DIPK2B: variants seen among roughly 807,000 people sequenced by gnomAD.
DIPK2B encodes the protein divergent protein kinase domain 2B, also known as UPF0672 protein CXorf36.
DIPK2B carries 15 observed loss-of-function variants against 22.2 expected under a neutral mutation model. The observed-to-expected ratio is 0.68, with a 90% CI of 0.45 to 1.04. The LOEUF (loss-of-function observed/expected upper bound fraction) is 1.04, where lower values mean the gene tolerates loss of function less well. DIPK2B is among the 50% of genes least tolerant of loss of function. DIPK2B has a pLI of 0.00. For missense variants in DIPK2B, 345 were observed against 348.3 expected, an observed-to-expected ratio of 0.99 and a Z score of 0.08; for synonymous variants, 163 against 153.2, an observed-to-expected ratio of 1.06 and a Z score of -0.47.
chrX:45,168,664 A>C (rs181011947), intron 2 of DIPK2B, among the ~76,000 whole-genome samples: 14 of 112,413 alleles, frequency 1.2e-4, no homozygotes, highest in Admixed American at 9.3e-4. Flanking sequence ...GGTTTTCAGG[A>C]GAGGAGTCCC....
intron 2 of DIPK2B, chrX:45,191,486 A>G (rs763757987): frequency 5.7e-6 from 2 of 352,514 alleles, no homozygotes; most frequent in Non-Finnish European, 9.8e-6. Context: ...TTCAGGCCAG[A>G]GGTCGCAGCT....
chrX:45,159,018 C>T (rs1323388040), intron 2 of DIPK2B, among the ~76,000 whole-genome samples: 1 of 111,249 alleles, frequency 9.0e-6, no homozygotes, highest in Non-Finnish European at 1.9e-5. Context: ...CTGCCCCCCT[C>T]TCCATAAACT....
At chrX:45,162,909 T>G (rs1274276943) in intron 2 of DIPK2B, 3 of 751,973 alleles carry the variant, frequency 4.0e-6, no homozygotes, top group Non-Finnish European at 1.6e-6. Context: ...ATGCTGAGAG[T>G]GGCTGTCACA....
intron 1 of DIPK2B, among the ~76,000 whole-genome samples, chrX:45,199,337 C>T (rs1227041978): frequency 9.0e-6 from 1 of 111,502 alleles, no homozygotes; most frequent in African/African-American, 3.3e-5. Context: ...AAGTTAGGTC[C>T]TTTGAGGAAG....
chrX:45,193,043 T>G (rs1219118465), intron 1 of DIPK2B, among the ~76,000 whole-genome samples: 1 of 112,673 alleles, frequency 8.9e-6, no homozygotes, highest in East Asian at 2.8e-4. Context: ...CCTCCCAAAG[T>G]GTTGGGATTA....
chrX:45,195,886 A>T (rs1011582493), intron 1 of DIPK2B, among the ~76,000 whole-genome samples: 1 of 112,237 alleles, frequency 8.9e-6, no homozygotes, highest in African/African-American at 3.2e-5. Flanking sequence ...TCTTGTCTGG[A>T]AAATCCCAAT....
At chrX:45,196,182 A>G (rs1279869448) in intron 1 of DIPK2B, among the ~76,000 whole-genome samples, 1 of 111,652 alleles carries the variant, frequency 9.0e-6, no homozygotes, top group Non-Finnish European at 1.9e-5. Flanking sequence ...ATTTAGATGT[A>G]TAGATAGATA....
At chrX:45,175,498 T>C (rs1409174883) in intron 2 of DIPK2B, among the ~76,000 whole-genome samples, 1 of 108,360 alleles carries the variant, frequency 9.2e-6, no homozygotes, top group Non-Finnish European at 1.9e-5. Flanking sequence ...ACCAATGTGT[T>C]AACAGTGGTT....
chrX:45,151,569 GCTTCTTT>G lies in DIPK2B; in HGVS notation c.*76_*82del. On this transcript the variant is annotated 3_prime_UTR_variant, in exon 5 of 5. Coordinates refer to ENST00000398000, the MANE Select transcript of DIPK2B (RefSeq NM_176819.4). ...TTCTTCTCATCTTTAAAAAAGAGCT[GCTTCTTT>G]CTACCTTGCAGCAACCCGACTGGGA... 1 of 918,490 alleles carries G rather than the reference GCTTCTTT, an allele frequency of 1.1e-6. No individual in the cohort carries two copies. The highest frequency in any genetic ancestry group is 1.5e-6 in the Non-Finnish European group (1 of 657,875). The allele number at this position is 918,490 out of a possible 1,213,427, so 75.7% of individuals were successfully genotyped here. A position where few individuals can be genotyped will look rare whatever the true frequency, so the allele number is the denominator to read the frequency against.
intron 2 of DIPK2B, among the ~76,000 whole-genome samples, chrX:45,183,096 G>T (rs1329760796): frequency 2.7e-5 from 3 of 112,252 alleles, no homozygotes; most frequent in African/African-American, 9.7e-5. Flanking sequence ...GTTTATGTAT[G>T]CAGTTTATAC....
chrX:45,164,406 CAGGA>C (rs10561882), intron 2 of DIPK2B, among the ~76,000 whole-genome samples: 10,387 of 111,187 alleles, frequency 0.093, 1,162 homozygotes, highest in African/African-American at 0.31. Context: ...GAATAAGGAC[CAGGA>C]AGGAAGTGGC....
chrX:45,159,186 C>T (rs1484943524), intron 2 of DIPK2B, among the ~76,000 whole-genome samples: 1 of 111,256 alleles, frequency 9.0e-6, no homozygotes, highest in Non-Finnish European at 1.9e-5. Context: ...TCTCCAAGAG[C>T]CAGTTCTTAA....
intron 2 of DIPK2B, chrX:45,164,085 G>A (rs768175030): frequency 5.8e-6 from 6 of 1,034,010 alleles, no homozygotes; most frequent in East Asian, 7.1e-5. Context: ...TGATGCAGAA[G>A]CCTCTTTAAT....
intron 3 of DIPK2B, among the ~76,000 whole-genome samples, chrX:45,156,325 CGTT>C (rs1313634613): frequency 2.7e-5 from 3 of 111,134 alleles, no homozygotes; most frequent in African/African-American, 9.8e-5. Context: ...GGCCTACTGT[CGTT>C]GTCTACAGGT....
intron 2 of DIPK2B, among the ~76,000 whole-genome samples, chrX:45,172,074 T>C (rs905847870): frequency 7.1e-5 from 8 of 111,944 alleles, no homozygotes; most frequent in Admixed American, 1.9e-4. Flanking sequence ...TCCAGTCTGC[T>C]GAGAGATAAT....
chrX:45,182,549 C>T (rs1243188223), intron 2 of DIPK2B, among the ~76,000 whole-genome samples: 3 of 112,667 alleles, frequency 2.7e-5, no homozygotes, highest in Non-Finnish European at 5.6e-5. Flanking sequence ...CTTTTGTGTG[C>T]TTATGTTCAC....
chrX:45,158,507 A>G (rs1405868456), intron 2 of DIPK2B, among the ~76,000 whole-genome samples: 6 of 110,484 alleles, frequency 5.4e-5, no homozygotes, highest in Non-Finnish European at 1.1e-4. Flanking sequence ...GAGCGTTTTT[A>G]TATGCACCAC....
Position 45,153,837 on chromosome X carries a change from GGCCACCCCTCCCTAGC to G in DIPK2B, c.961+57_961+72del. 4.0e-6 allele frequency: 4 copies of G among 987,760 alleles called. No individual in the cohort carries two copies. The South Asian group carries it at 8.9e-5, about 22-fold the overall frequency. The allele number at this position is 987,760 out of a possible 1,213,427, so 81.4% of individuals were successfully genotyped here. On this transcript the variant is annotated intron_variant, in intron 4 of 4. Transcript: ENST00000398000. ...GGAAAGGCCCAATAGCATGACCCCT[GGCCACCCCTCCCTAGC>G]TCCTGTCACCCTGACTTTCCCTCTG... is the stretch of plus-strand genomic sequence containing the variant.
intron 4 of DIPK2B, among the ~76,000 whole-genome samples, chrX:45,153,471 GTT>G (rs1307786990): frequency 2.7e-5 from 2 of 74,582 alleles, no homozygotes; most frequent in African/African-American, 1.0e-4. Context: ...GGACCCAAAA[GTT>G]TTGTGTGTGT....
Sources: gnomAD v4.1 joint callset for allele counts (sites outside exome capture counted in the v4.1 genomes callset) on GRCh38, gnomAD v4.1.1 for gene constraint, MANE v1.5 for transcripts, NCBI Gene and HGNC (gene_info 2026-07-23, HGNC 2026-07-21) for gene names.